Variants in TRIT1 observed in about 807,000 individuals in gnomAD.
The protein encoded by TRIT1 is tRNA isopentenyltransferase 1.
TRIT1 carries 43 observed loss-of-function variants against 51.2 expected under a neutral mutation model. The observed-to-expected ratio is 0.84, with a 90% CI of 0.66 to 1.08. TRIT1 has a LOEUF of 1.08. Among genes scored for constraint, TRIT1 ranks in the 50% least tolerant of loss-of-function variants. TRIT1 has a pLI of 0.00. For synonymous variants in TRIT1, 184 were observed against 203.9 expected (o/e 0.90, Z 0.83); for missense variants, 528 against 578.4 (o/e 0.91, Z 0.89).
chr1:39,847,615 T>C lies in TRIT1; in HGVS notation c.861A>G (p.Glu287=), dbSNP rs747121082. ...HGIFQSIGFK[E]FHEYLITEGK... is the part of the protein sequence containing the mutation. ...CCTCAGTGATCAGGTACTCGTGAAA[T>C]TCCTTGAAGCCAATTGATTGGAAGA... Residue 287 remains glutamate (E), a synonymous_variant, in exon 7 of 11, where the codon GAA becomes GAG. Transcript: ENST00000316891. The C allele has an allele frequency of 6.2e-6, 10 of 1,614,068 alleles. No homozygotes were observed. The highest frequency in any genetic ancestry group is 5.0e-5 in the Admixed American group (3 of 60,004).
chr1:39,866,577 A>G (rs1422052177), intron 1 of TRIT1, among the ~76,000 whole-genome samples: 2 of 152,186 alleles, frequency 1.3e-5, no homozygotes, highest in Admixed American at 6.5e-5. Context: ...GTTAGGACTA[A>G]TAAGTTTGCT....
At chr1:39,878,602 T>C (rs1421348428) in intron 1 of TRIT1, among the ~76,000 whole-genome samples, 1 of 152,208 alleles carries the variant, frequency 6.6e-6, no homozygotes, top group Non-Finnish European at 1.5e-5. Flanking sequence ...AATGCAAATA[T>C]TGGTTTTAAA....
intron 4 of TRIT1, among the ~76,000 whole-genome samples, chr1:39,850,613 T>C (rs1181052384): frequency 6.6e-6 from 1 of 152,154 alleles, no homozygotes; most frequent in Non-Finnish European, 1.5e-5. Flanking sequence ...TAAAGAAAAC[T>C]TTAGGTAAAG....
At chr1:39,868,544 T>G (rs545722075) in intron 1 of TRIT1, among the ~76,000 whole-genome samples, 1 of 150,784 alleles carries the variant, frequency 6.6e-6, no homozygotes, top group Non-Finnish European at 1.5e-5. Context: ...CTCAGGAGGC[T>G]GAGGCAGGAG....
In TRIT1 at chr1:39,844,187, A is replaced by G. The variant is rs748122835; in HGVS notation, c.1148T>C (p.Met383Thr). Reference sequence around the variant, plus strand: ...CTTGTTCTCAGCTTCATTGTATGGCATCTTTATTGGAGTGGCTGTAGGCTT... The same window carrying G: ...CTTGTTCTCAGCTTCATTGTATGGCGTCTTTATTGGAGTGGCTGTAGGCTT... Reference protein sequence around the residue: ...GHKPTATPIKMPYNEAENKRS... With the variant: ...GHKPTATPIKTPYNEAENKRS... Residue 383 changes from methionine to threonine, a missense_variant, in exon 10 of 11, where the codon ATG (methionine) becomes ACG (threonine). Physicochemically the swap from Met to Thr is moderately conservative, Grantham distance 81. Coordinates refer to ENST00000316891, the MANE Select transcript of TRIT1 (RefSeq NM_017646.6). 1.2e-6 allele frequency: 2 copies of G among 1,614,082 alleles called. No homozygotes were observed. The highest frequency in any genetic ancestry group is 2.2e-5 in the East Asian group (1 of 44,894).
chr1:39,848,217 C>G, intron 5 of TRIT1, 120 bp from the exon 6 acceptor site: 6 of 696,396 alleles, frequency 8.6e-6, no homozygotes, highest in Non-Finnish European at 1.5e-5. Flanking sequence ...AGAAAGAATT[C>G]AGATTCCAAA....
intron 5 of TRIT1, 125 bp downstream of exon 5, chr1:39,849,994 A>C (rs1642466627): frequency 2.1e-6 from 2 of 970,984 alleles, no homozygotes; most frequent in Non-Finnish European, 3.0e-6. Context: ...TGATAATAAA[A>C]TTAATAGCTA....
intron 1 of TRIT1, among the ~76,000 whole-genome samples, chr1:39,866,043 AAAAG>A (rs970358175): frequency 1.3e-5 from 2 of 150,996 alleles, no homozygotes; most frequent in African/African-American, 4.9e-5. Flanking sequence ...AAAGAAAAGA[AAAAG>A]AAAAGAAAGG....
rs1306228447 is a variant in TRIT1 at position 39,854,063 on chromosome 1, T to G, written c.321A>C (p.Glu107Asp). 1 of 1,600,180 alleles carries G rather than the reference T, an allele frequency of 6.2e-7. No individual in the cohort carries two copies. The highest frequency in any genetic ancestry group is 1.1e-5 in the South Asian group (1 of 89,546). Residue 107 changes from glutamate (E) to aspartate (D), a missense_variant, in exon 3 of 11, where the codon GAA (glutamate) becomes GAC (aspartate). By Grantham distance (45) the Glu-to-Asp change is conservative. Coordinates refer to ENST00000316891, the MANE Select transcript of TRIT1 (RefSeq NM_017646.6). ...GAATTTTGTCTCGGGCAAATATATC[T>G]TCAATGTGAACATTAAGAAAGATAT... ...DFRNRATALI[E>D]DIFARDKIPI...
chr1:39,850,113 T>C lies in TRIT1; in HGVS notation c.703+6A>G. On this transcript the variant is annotated splice_donor_region_variant and intron_variant, in intron 5 of 10. Transcript: ENST00000316891. ...GATGGACTCTAGGGCATCAAAGGGCTGTTACCTGCCTGGTCAGCATGAAGC... is the reference window on the plus strand; with the variant it reads ...GATGGACTCTAGGGCATCAAAGGGCCGTTACCTGCCTGGTCAGCATGAAGC... The C allele has an allele frequency of 6.2e-7, 1 of 1,614,156 alleles. No homozygotes were observed. Among genetic ancestry groups the C allele is most frequent in the Non-Finnish European group, 8.5e-7 (1 of 1,180,008 alleles).
chr1:39,857,175 G>C (rs895799845), intron 2 of TRIT1, 102 bp downstream of exon 2: 8 of 1,391,164 alleles, frequency 5.8e-6, no homozygotes, highest in African/African-American at 1.4e-5. Flanking sequence ...TTAGGCCTTG[G>C]GTGCCCCTTC....
At chr1:39,850,067 A>AT in intron 5 of TRIT1, 52 bp downstream of exon 5, 1 of 1,596,030 alleles carries the variant, frequency 6.3e-7, no homozygotes, top group Admixed American at 1.7e-5. Flanking sequence ...ACAGTAACTT[A>AT]TTACTCCAAG....
chr1:39,871,513 G>C (rs1424927515), intron 1 of TRIT1, among the ~76,000 whole-genome samples: 3 of 152,072 alleles, frequency 2.0e-5, no homozygotes, highest in Non-Finnish European at 4.4e-5. Context: ...CCAGGAAGTT[G>C]AGGCTGCAGT....
At chr1:39,863,254 CAGG>C (rs1226467546) in intron 1 of TRIT1, among the ~76,000 whole-genome samples, 1 of 152,162 alleles carries the variant, frequency 6.6e-6, no homozygotes, top group East Asian at 1.9e-4. Flanking sequence ...CACTTGAGAC[CAGG>C]AGTTCAAGAC....
chr1:39,849,784 G>A (rs756095021), intron 5 of TRIT1, among the ~76,000 whole-genome samples: 7 of 152,156 alleles, frequency 4.6e-5, no homozygotes, highest in African/African-American at 1.2e-4. Context: ...GAACATTCTA[G>A]CCTCCAGCCA....
chr1:39,875,685 G>A (rs1644028820), intron 1 of TRIT1, among the ~76,000 whole-genome samples: 1 of 151,874 alleles, frequency 6.6e-6, no homozygotes, highest in Non-Finnish European at 1.5e-5. Flanking sequence ...TCTTAACTTT[G>A]CCCATACTGT....
intron 1 of TRIT1, among the ~76,000 whole-genome samples, chr1:39,872,812 AAGGGAGGG>A (rs149159950): frequency 8.0e-6 from 1 of 124,362 alleles, no homozygotes; most frequent in Non-Finnish European, 1.7e-5. Flanking sequence ...GAAAGGAAGG[AAGGGAGGG>A]AGGGAGGGAG....
At chr1:39,851,641 C>T (rs527236493) in intron 4 of TRIT1, among the ~76,000 whole-genome samples, 79 of 151,994 alleles carry the variant, frequency 5.2e-4, no homozygotes, top group Admixed American at 2.6e-4. Flanking sequence ...GACAACCCTA[C>T]CTGAAGAAAT....
chr1:39,865,652 T>C (rs1018021333), intron 1 of TRIT1, among the ~76,000 whole-genome samples: 3 of 139,158 alleles, frequency 2.2e-5, no homozygotes, highest in African/African-American at 5.5e-5. Flanking sequence ...CTGGGCAACA[T>C]TGTGAGACTC....
Sources: allele counts gnomAD v4.1 joint callset (sites outside exome capture counted in the v4.1 genomes callset), GRCh38; gene constraint gnomAD v4.1.1; transcripts MANE v1.5; gene names NCBI Gene and HGNC (gene_info 2026-07-23, HGNC 2026-07-21).